ANXA4: variants seen among roughly 807,000 people sequenced by gnomAD.
ANXA4 encodes annexin A4, also known as 35-beta calcimedin.
A neutral mutation model predicts 49.8 loss-of-function variants in ANXA4; 39 were observed. That is an observed-to-expected ratio of 0.78 (90% CI 0.61 to 1.02). The LOEUF (loss-of-function observed/expected upper bound fraction) is 1.02. Ranked by LOEUF, ANXA4 falls within the 50% of genes least tolerant of loss-of-function variation. ANXA4 has a pLI of 0.00. For missense variants in ANXA4, 360 were observed against 410.1 expected (o/e 0.88, Z 1.05); for synonymous variants, 134 against 152.5 (o/e 0.88, Z 0.89).
chr2:69,682,143 T>G (rs1166015987), intron 2 of ANXA4, among the ~76,000 whole-genome samples: 1 of 152,188 alleles, frequency 6.6e-6, no homozygotes, highest in African/African-American at 2.4e-5. Context: ...TGAGCCACCA[T>G]GCCTGGCCCG....
At chr2:69,714,009 G>A (rs557352862) in intron 2 of ANXA4, among the ~76,000 whole-genome samples, 10 of 152,336 alleles carry the variant, frequency 6.6e-5, no homozygotes, top group African/African-American at 2.4e-4. Context: ...CAAGAGAATG[G>A]GGCAGAACAT....
chr2:69,751,122 G>A (rs936562533), intron 1 of ANXA4, among the ~76,000 whole-genome samples: 4 of 152,154 alleles, frequency 2.6e-5, no homozygotes, highest in Non-Finnish European at 5.9e-5. Context: ...GCACAAAGGG[G>A]TTGAGTAATT....
In ANXA4 at chr2:69,772,121, G is replaced by A. The variant is rs552406493; in HGVS notation, c.-46-9399G>A. Reference sequence around the variant, plus strand: ...AGCCTTCATCTTTCCATCTGGAACAGTCCTGATGCTTTTAGAGTTATTTGA... The same window carrying A: ...AGCCTTCATCTTTCCATCTGGAACAATCCTGATGCTTTTAGAGTTATTTGA... On this transcript the variant is annotated intron_variant, in intron 1 of 12. Transcript: ENST00000394295. Among the ~76,000 whole-genome samples, 7 of 152,346 alleles carry A rather than the reference G, an allele frequency of 4.6e-5. No homozygotes were observed. The South Asian group carries it at 1.2e-3, about 27-fold the overall frequency.
chr2:69,743,436 T>C (rs889370836), intron 1 of ANXA4, among the ~76,000 whole-genome samples: 8 of 152,138 alleles, frequency 5.3e-5, no homozygotes, highest in African/African-American at 1.9e-4. Flanking sequence ...CAGGCTGGTC[T>C]TGAACTCCTG....
intron 2 of ANXA4, among the ~76,000 whole-genome samples, chr2:69,668,190 T>G (rs977704463): frequency 3.3e-5 from 5 of 152,210 alleles, no homozygotes; most frequent in African/African-American, 1.2e-4. Flanking sequence ...TTTTATAAAC[T>G]CTAGGTTGTT....
chr2:69,808,482 T>A (rs1055031665), intron 6 of ANXA4: 6 of 156,602 alleles, frequency 3.8e-5, no homozygotes, highest in African/African-American at 1.4e-4. Context: ...CCTGACTTTT[T>A]GCCCTAAGAA....
At chr2:69,777,525 A>G (rs377316144) in intron 1 of ANXA4, among the ~76,000 whole-genome samples, 4 of 152,294 alleles carry the variant, frequency 2.6e-5, no homozygotes, top group East Asian at 3.9e-4. Flanking sequence ...CAAAATTCCA[A>G]GGGATTTAGG....
chr2:69,687,331 C>T (rs1019392086), intron 2 of ANXA4, among the ~76,000 whole-genome samples: 2 of 151,952 alleles, frequency 1.3e-5, no homozygotes, highest in East Asian at 1.9e-4. Flanking sequence ...TGGTGAGACC[C>T]GTCTCTACTA....
At chr2:69,791,995 G>A (rs12467361) in intron 3 of ANXA4, among the ~76,000 whole-genome samples, 87,132 of 151,936 alleles carry the variant, frequency 0.57, 27,353 homozygotes, top group African/African-American at 0.83. Context: ...ATTCCCTAAA[G>A]TATAACCTGA....
At chr2:69,796,849 C>T (rs1011792187) in intron 3 of ANXA4, among the ~76,000 whole-genome samples, 5 of 152,114 alleles carry the variant, frequency 3.3e-5, no homozygotes, top group Non-Finnish European at 7.4e-5. Context: ...AATTACTCTC[C>T]ACAGACCCGC....
intron 3 of ANXA4, among the ~76,000 whole-genome samples, chr2:69,725,328 C>A (rs1041962217): frequency 2.0e-5 from 3 of 148,176 alleles, no homozygotes; most frequent in African/African-American, 7.4e-5. Flanking sequence ...ATAAATGATG[C>A]CCCAAATAAA....
At chr2:69,773,891 A>G (rs540738011) in intron 1 of ANXA4, among the ~76,000 whole-genome samples, 7 of 151,052 alleles carry the variant, frequency 4.6e-5, no homozygotes, top group Admixed American at 1.3e-4. Context: ...CGGCCTCCCA[A>G]AGTGCTGGGA....
chr2:69,750,031 G>A (rs573164225), intron 1 of ANXA4, among the ~76,000 whole-genome samples: 10 of 152,216 alleles, frequency 6.6e-5, no homozygotes, highest in South Asian at 2.1e-4. Flanking sequence ...GGTTGCCTGG[G>A]GAGGGGGAAG....
intron 2 of ANXA4, among the ~76,000 whole-genome samples, chr2:69,681,897 C>T (rs1211195234): frequency 6.6e-6 from 1 of 151,688 alleles, no homozygotes; most frequent in East Asian, 1.9e-4. Context: ...AGTACAATGG[C>T]TCTATGATGG....
intron 1 of ANXA4, among the ~76,000 whole-genome samples, chr2:69,754,677 G>A (rs1375286970): frequency 1.3e-5 from 2 of 152,216 alleles, no homozygotes; most frequent in Non-Finnish European, 2.9e-5. Flanking sequence ...TGGTGATGCT[G>A]TTGGTCTGGA....
At chr2:69,802,726 A>C (rs1673264661) in intron 3 of ANXA4, among the ~76,000 whole-genome samples, 1 of 147,144 alleles carries the variant, frequency 6.8e-6, no homozygotes, top group Admixed American at 6.9e-5. Flanking sequence ...AAAAAAAAAA[A>C]TTGAATCTAT....
At chr2:69,671,081 T>G (rs1420515654) in intron 2 of ANXA4, among the ~76,000 whole-genome samples, 2 of 140,944 alleles carry the variant, frequency 1.4e-5, no homozygotes, top group Non-Finnish European at 3.1e-5. Context: ...CAATTCAGAA[T>G]GGACCTAAAA....
At chr2:69,695,475 G>C (rs1455309899) in intron 2 of ANXA4, among the ~76,000 whole-genome samples, 1 of 152,182 alleles carries the variant, frequency 6.6e-6, no homozygotes, top group Non-Finnish European at 1.5e-5. Flanking sequence ...AAAAGAAGTT[G>C]TGGAAAGTGT....
chr2:69,664,402 T>C (rs1451054575), intron 2 of ANXA4, among the ~76,000 whole-genome samples: 1 of 152,158 alleles, frequency 6.6e-6, no homozygotes, highest in African/African-American at 2.4e-5. Flanking sequence ...TGGGGAAGGG[T>C]AATAAGCTAA....
Sources: allele counts gnomAD v4.1 joint callset (sites outside exome capture counted in the v4.1 genomes callset), GRCh38; gene constraint gnomAD v4.1.1; transcripts MANE v1.5; gene names NCBI Gene and HGNC (gene_info 2026-07-23, HGNC 2026-07-21).